The following MYO1D variants were observed in gnomAD, a reference collection of about 807,000 sequenced individuals.
MYO1D encodes unconventional myosin-Id.
In MYO1D, 83 loss-of-function variants were observed where a neutral mutation model predicts 122.0. That is an observed-to-expected ratio of 0.68 (90% CI 0.57 to 0.82). The LOEUF (loss-of-function observed/expected upper bound fraction) is 0.82, where lower values mean the gene tolerates loss of function less well. Ranked by LOEUF, MYO1D falls within the 40% of genes least tolerant of loss-of-function variation. The pLI, the probability that MYO1D is intolerant of heterozygous loss-of-function variation, is 0.00. For synonymous variants in MYO1D, 464 were observed against 446.9 expected (o/e 1.04, Z -0.48); for missense variants, 1,157 against 1,269.5 (o/e 0.91, Z 1.35).
intron 13 of MYO1D, among the ~76,000 whole-genome samples, chr17:32,739,656 G>C (rs1310775850): frequency 3.3e-5 from 5 of 151,992 alleles, no homozygotes; most frequent in South Asian, 2.1e-4. Context: ...AAAAATTGGG[G>C]GTTGAGAAGA....
At chr17:32,523,648 A>G (rs1910235471) in intron 21 of MYO1D, among the ~76,000 whole-genome samples, 2 of 152,050 alleles carry the variant, frequency 1.3e-5, no homozygotes, top group African/African-American at 2.4e-5. Flanking sequence ...ATCTCTACAA[A>G]AGATTACCCA....
rs779609674 is a variant in MYO1D, at chr17:32,778,578, G to A, written c.305-5C>T. The A allele has an allele frequency of 2.6e-5, 42 of 1,610,488 alleles. No homozygotes were observed. The highest frequency in any genetic ancestry group is 3.5e-5 in the Non-Finnish European group (41 of 1,176,998). The stretch of plus-strand genomic sequence containing the variant: ...TTTTACCAGCTCCACTTTCCCCTGG[G>A]GGGAAAAATTGTTCAGGGCTTAACA... On this transcript the variant is annotated splice_region_variant and splice_polypyrimidine_tract_variant and intron_variant, in intron 2 of 21. Transcript: ENST00000318217.
intron 7 of MYO1D, among the ~76,000 whole-genome samples, chr17:32,767,401 C>T (rs558655323): frequency 6.6e-6 from 1 of 152,308 alleles, no homozygotes; most frequent in East Asian, 1.9e-4. Flanking sequence ...CAAAGTTTGA[C>T]AATACCAGTA....
intron 13 of MYO1D, among the ~76,000 whole-genome samples, chr17:32,740,387 T>C (rs1275223236): frequency 6.6e-6 from 1 of 152,176 alleles, no homozygotes; most frequent in Non-Finnish European, 1.5e-5. Context: ...AATAAGATAA[T>C]ACGTTAAATA....
chr17:32,585,010 G>T (rs1251978635), intron 21 of MYO1D, among the ~76,000 whole-genome samples: 1 of 152,176 alleles, frequency 6.6e-6, no homozygotes, highest in Non-Finnish European at 1.5e-5. Context: ...AGAAGGCCAA[G>T]AATTTCCATG....
intron 15 of MYO1D, among the ~76,000 whole-genome samples, chr17:32,716,867 T>C (rs1289118386): frequency 2.0e-5 from 3 of 152,266 alleles, no homozygotes; most frequent in East Asian, 1.9e-4. Context: ...ATTAAAAAGT[T>C]GAACTCATCT....
intron 21 of MYO1D, among the ~76,000 whole-genome samples, chr17:32,525,497 G>A (rs1481759445): frequency 1.3e-5 from 2 of 151,168 alleles, no homozygotes. Flanking sequence ...TTTTTTCTTG[G>A]GATATAATAA....
intron 11 of MYO1D, among the ~76,000 whole-genome samples, chr17:32,754,563 T>G (rs554672598): frequency 6.6e-6 from 1 of 152,342 alleles, no homozygotes; most frequent in South Asian, 2.1e-4. Context: ...AATTTCTCTG[T>G]TCTGATTACA....
At chr17:32,573,786 A>G (rs749425302) in intron 21 of MYO1D, among the ~76,000 whole-genome samples, 1 of 152,116 alleles carries the variant, frequency 6.6e-6, no homozygotes, top group Non-Finnish European at 1.5e-5. Context: ...CAGTCTCCTA[A>G]AGTGCTGGGA....
At chr17:32,634,322 T>C (rs1391338625) in intron 20 of MYO1D, among the ~76,000 whole-genome samples, 3 of 152,082 alleles carry the variant, frequency 2.0e-5, no homozygotes, top group East Asian at 1.9e-4. Context: ...GGGTGTGCAA[T>C]TGGCTGCAGC....
chr17:32,819,302 CAG>C (rs753658335), intron 1 of MYO1D, among the ~76,000 whole-genome samples: 8 of 150,972 alleles, frequency 5.3e-5, no homozygotes, highest in Non-Finnish European at 1.2e-4. Context: ...AGGAGATAAA[CAG>C]AGATCTCACA....
At chr17:32,783,077 T>C (rs184272944) in intron 1 of MYO1D, among the ~76,000 whole-genome samples, 34 of 152,224 alleles carry the variant, frequency 2.2e-4, no homozygotes, top group African/African-American at 6.0e-4. Flanking sequence ...ACCTGCAAAT[T>C]TGCAGTACAT....
At chr17:32,818,208 C>CT (rs1417671319) in intron 1 of MYO1D, among the ~76,000 whole-genome samples, 1 of 150,730 alleles carries the variant, frequency 6.6e-6, no homozygotes, top group Non-Finnish European at 1.5e-5. Flanking sequence ...AAGCAGTCTA[C>CT]TTCTAGAGCC....
intron 21 of MYO1D, among the ~76,000 whole-genome samples, chr17:32,550,157 C>A (rs938136626): frequency 6.7e-6 from 1 of 150,070 alleles, no homozygotes; most frequent in African/African-American, 2.5e-5. Flanking sequence ...TGGAGGGCAG[C>A]GGTGTAATCT....
chr17:32,676,430 C>G (rs1047200696), intron 16 of MYO1D, among the ~76,000 whole-genome samples: 9 of 146,596 alleles, frequency 6.1e-5, no homozygotes, highest in Admixed American at 5.5e-4. Context: ...TGAAAATAAA[C>G]TTTTTATTAC....
chr17:32,514,464 A>C (rs1909817103), intron 21 of MYO1D, among the ~76,000 whole-genome samples: 1 of 152,106 alleles, frequency 6.6e-6, no homozygotes, highest in Non-Finnish European at 1.5e-5. Context: ...ATTTCCAGCA[A>C]TCTTTATCTG....
intron 16 of MYO1D, among the ~76,000 whole-genome samples, chr17:32,680,821 G>C (rs1285985085): frequency 1.3e-5 from 2 of 152,314 alleles, no homozygotes; most frequent in Admixed American, 1.3e-4. Flanking sequence ...ATTTCAGAAG[G>C]AATGGTACCA....
chr17:32,688,857 G>A (rs1598010507), intron 16 of MYO1D, among the ~76,000 whole-genome samples: 1 of 151,916 alleles, frequency 6.6e-6, no homozygotes, highest in African/African-American at 2.4e-5. Flanking sequence ...CCATCACCAC[G>A]GTTCTGCTGA....
chr17:32,850,009 G>T (rs996734060), intron 1 of MYO1D, among the ~76,000 whole-genome samples: 1 of 152,036 alleles, frequency 6.6e-6, no homozygotes, highest in Non-Finnish European at 1.5e-5. Context: ...ATTTGCCTGT[G>T]TTTTTGAATA....
Sources: allele counts gnomAD v4.1 joint callset (sites outside exome capture counted in the v4.1 genomes callset), GRCh38; gene constraint gnomAD v4.1.1; transcripts MANE v1.5; gene names NCBI Gene and HGNC (gene_info 2026-07-23, HGNC 2026-07-21).